The following ARHGEF37 variants were observed in gnomAD, a reference collection of about 807,000 sequenced individuals.
ARHGEF37 encodes Rho guanine nucleotide exchange factor 37, also known as Rho guanine nucleotide exchange factor (GEF) 37.
A neutral mutation model predicts 71.1 loss-of-function variants in ARHGEF37; 55 were observed. The observed-to-expected ratio is 0.77, with a 90% confidence interval of 0.62 to 0.97. The LOEUF is 0.97. Among genes scored for constraint, ARHGEF37 ranks in the 50% least tolerant of loss-of-function variants. The pLI, the probability that ARHGEF37 is intolerant of heterozygous loss-of-function variation, is 0.00. For missense variants in ARHGEF37, 765 were observed against 836.8 expected (o/e 0.91, Z 1.06); for synonymous variants, 327 against 350.6 (o/e 0.93, Z 0.75).
chr5:149,577,398 G>A (rs895604055), upstream of ARHGEF37, among the ~76,000 whole-genome samples: 1 of 148,726 alleles, frequency 6.7e-6, no homozygotes, highest in East Asian at 2.0e-4. Context: ...AAATTTATCA[G>A]AAAAATGTAT....
At chr5:149,596,603 G>T (rs756930384) in intron 1 of ARHGEF37, among the ~76,000 whole-genome samples, 1 of 152,146 alleles carries the variant, frequency 6.6e-6, no homozygotes, top group Non-Finnish European at 1.5e-5. Context: ...CCGCACCCGG[G>T]CCCTTGATAC....
rs758818766 is a variant in ARHGEF37 at position 149,632,083 on chromosome 5, C to G, written c.1920C>G (p.Asn640Lys). 4 of 1,614,236 alleles carry G rather than the reference C, an allele frequency of 2.5e-6. No individual in the cohort carries two copies. In the African/African-American group the frequency reaches 5.3e-5, roughly 22 times the overall value. ...TILEAQDKKG[N>K]PEWSLVEVNG... Reference sequence around the variant, plus strand: ...TGGAGGCCCAGGACAAGAAGGGGAACCCTGAGTGGAGCCTGGTGGAAGTGA... The same window carrying G: ...TGGAGGCCCAGGACAAGAAGGGGAAGCCTGAGTGGAGCCTGGTGGAAGTGA... Residue 640 changes from asparagine to lysine, a missense_variant, in exon 13 of 13, where the codon AAC becomes AAG. Physicochemically the swap from Asn to Lys is moderately conservative, Grantham distance 94. This residue lies in a region of ARHGEF37 where 390 missense variants were observed against 407.4 expected (regional missense o/e 0.96). Transcript: ENST00000333677.
chr5:149,620,235 TC>T (rs1352434516), intron 7 of ARHGEF37, 118 bp from the exon 8 acceptor site: 9 of 633,964 alleles, frequency 1.4e-5, no homozygotes, highest in African/African-American at 1.9e-5. Context: ...TGTGTGTCCC[TC>T]TCATTGGGGG....
chr5:149,553,175 G>A (rs190339470), intron 1 of ARHGEF37, among the ~76,000 whole-genome samples: 34 of 152,228 alleles, frequency 2.2e-4, no homozygotes, highest in African/African-American at 7.9e-4. Context: ...GAGGCGGCTG[G>A]ATCACCTGAG....
At chr5:149,598,263 C>CTCTTCTTCT (rs70973531) in intron 2 of ARHGEF37, among the ~76,000 whole-genome samples, 1,848 of 67,572 alleles carry the variant, frequency 0.027, 109 homozygotes, top group Middle Eastern at 0.059. Flanking sequence ...CTTAAACTGA[C>CTCTTCTTCT]TCTTCTTCTT....
intron 5 of ARHGEF37, among the ~76,000 whole-genome samples, chr5:149,617,631 G>A (rs1283426008): frequency 1.3e-5 from 2 of 152,084 alleles, no homozygotes; most frequent in Non-Finnish European, 2.9e-5. Flanking sequence ...GCTTCCTGTC[G>A]CAGAACTGGT....
chr5:149,601,633 G>A (rs1428338150), intron 3 of ARHGEF37, among the ~76,000 whole-genome samples: 8 of 152,212 alleles, frequency 5.3e-5, no homozygotes, highest in Non-Finnish European at 1.2e-4. Flanking sequence ...AGAGACAGAA[G>A]ATAGACAAAC....
intron 4 of ARHGEF37, among the ~76,000 whole-genome samples, chr5:149,610,931 T>G (rs979419351): frequency 6.6e-6 from 1 of 152,236 alleles, no homozygotes; most frequent in Admixed American, 6.5e-5. Flanking sequence ...TATTAGCAAT[T>G]TAGGTGTACT....
chr5:149,631,469 C>A (rs1254538169), intron 12 of ARHGEF37, among the ~76,000 whole-genome samples: 1 of 152,210 alleles, frequency 6.6e-6, no homozygotes, highest in East Asian at 1.9e-4. Context: ...CCACACCTGG[C>A]CCAGTTCTAT....
intron 10 of ARHGEF37, among the ~76,000 whole-genome samples, chr5:149,626,091 T>G (rs1162709713): frequency 6.6e-6 from 1 of 152,158 alleles, no homozygotes; most frequent in Admixed American, 6.5e-5. Flanking sequence ...TTAGAAACAT[T>G]GGGATCTCCT....
intron 12 of ARHGEF37, among the ~76,000 whole-genome samples, chr5:149,630,623 C>G (rs947566112): frequency 6.6e-6 from 1 of 152,182 alleles, no homozygotes; most frequent in African/African-American, 2.4e-5. Context: ...CACGGGAGGG[C>G]CTGACCACCC....
intron 3 of ARHGEF37, among the ~76,000 whole-genome samples, chr5:149,607,755 CTTTTTTTTTTT>C (rs67079479): frequency 4.8e-5 from 4 of 83,106 alleles, no homozygotes; most frequent in East Asian, 2.8e-4. Context: ...AAAGAAACTT[CTTTTTTTTTTT>C]TTTTTTTTTT....
chr5:149,619,570 G>C (rs1274840577), intron 7 of ARHGEF37, among the ~76,000 whole-genome samples: 1 of 152,142 alleles, frequency 6.6e-6, no homozygotes, highest in Non-Finnish European at 1.5e-5. Flanking sequence ...GTGAGAATAT[G>C]GGCCCAGTTC....
At chr5:149,555,557 C>T (rs1026425514) in intron 1 of ARHGEF37, among the ~76,000 whole-genome samples, 16 of 151,600 alleles carry the variant, frequency 1.1e-4, no homozygotes, top group East Asian at 3.9e-4. Flanking sequence ...TCAAGTGATC[C>T]TGACGCCTCA....
At chr5:149,599,434 CTTATTTAT>C in intron 2 of ARHGEF37, among the ~76,000 whole-genome samples, 1 of 147,900 alleles carries the variant, frequency 6.8e-6, no homozygotes, top group South Asian at 2.2e-4. Flanking sequence ...CCAAGGCAAA[CTTATTTAT>C]TTATTTATTT....
upstream of ARHGEF37, among the ~76,000 whole-genome samples, chr5:149,580,794 A>G (rs1287953290): frequency 6.6e-6 from 1 of 152,226 alleles, no homozygotes; most frequent in Non-Finnish European, 1.5e-5. Flanking sequence ...CAGAATGAGA[A>G]AAGCTAATCT....
chr5:149,597,618 G>A, intron 1 of ARHGEF37, 141 bp from the exon 2 acceptor site: 1 of 686,422 alleles, frequency 1.5e-6, no homozygotes, highest in Non-Finnish European at 2.3e-6. Context: ...GCCTACAAAT[G>A]CTAATAAACA....
At chr5:149,583,853 C>A (rs1320942043) in intron 1 of ARHGEF37, among the ~76,000 whole-genome samples, 1 of 152,264 alleles carries the variant, frequency 6.6e-6, no homozygotes, top group South Asian at 2.1e-4. Flanking sequence ...CTCAACCGCC[C>A]AGGTTCAAGC....
At position 149,609,690 on chromosome 5, in the gene ARHGEF37, G is replaced by A. The variant is rs546148340; in HGVS notation, c.453G>A (p.Ala151=). The change falls in exon 4 of 13, where the codon GCG becomes GCA. Residue 151 remains alanine, a synonymous_variant. Coordinates refer to ENST00000333677, the MANE Select transcript of ARHGEF37 (RefSeq NM_001001669.3). ...GGCACATCCAGGGCATCGTTGAGGCGGTGGTGTGAGTAGAACGGCCAGTGA... is the reference window on the plus strand; with the variant it reads ...GGCACATCCAGGGCATCGTTGAGGCAGTGGTGTGAGTAGAACGGCCAGTGA... ...LQRHIQGIVE[A]VVPQAGSSGL... 60 of 1,612,300 alleles carry A rather than the reference G, an allele frequency of 3.7e-5. No individual in the cohort carries two copies. Among genetic ancestry groups the A allele is most frequent in the Non-Finnish European group, 4.5e-5 (53 of 1,180,012 alleles).
Sources: allele counts gnomAD v4.1 joint callset (sites outside exome capture counted in the v4.1 genomes callset), GRCh38; gene constraint gnomAD v4.1.1; regional missense constraint gnomAD v4.1.1; transcripts MANE v1.5; gene names NCBI Gene and HGNC (gene_info 2026-07-23, HGNC 2026-07-21).